STK39: variants seen among roughly 807,000 people sequenced by gnomAD.
STK39 encodes the protein STE20/SPS1-related proline-alanine-rich protein kinase.
STK39 carries 20 observed loss-of-function variants against 77.8 expected under a neutral mutation model. The ratio of observed to expected loss-of-function variants is 0.26; its 90% CI spans 0.18 to 0.37. STK39 has a LOEUF of 0.37. STK39 is among the 10% of genes least tolerant of loss of function. STK39 has a pLI of 1.00. For synonymous variants in STK39, 246 were observed against 234.1 expected (o/e 1.05, Z -0.47); for missense variants, 479 against 656.5 (o/e 0.73, Z 2.95).
At chr2:168,240,657 G>A (rs1215676767) in intron 1 of STK39, among the ~76,000 whole-genome samples, 4 of 152,238 alleles carry the variant, frequency 2.6e-5, no homozygotes, top group African/African-American at 9.6e-5. Context: ...TAGGACTGAG[G>A]CCAGGGTGGA....
intron 1 of STK39, among the ~76,000 whole-genome samples, chr2:168,244,411 C>G (rs910572003): frequency 2.6e-5 from 4 of 152,202 alleles, no homozygotes; most frequent in African/African-American, 4.8e-5. Flanking sequence ...AACACGGTGC[C>G]TCCTTTGGTT....
At chr2:168,071,940 A>G (rs1371202358) in intron 12 of STK39, among the ~76,000 whole-genome samples, 2 of 152,082 alleles carry the variant, frequency 1.3e-5, no homozygotes, top group Admixed American at 6.6e-5. Context: ...CCTATAATTT[A>G]CTTATCTATG....
chr2:168,111,715 GA>G (rs1687125426), intron 10 of STK39, among the ~76,000 whole-genome samples: 1 of 152,148 alleles, frequency 6.6e-6, no homozygotes, highest in Non-Finnish European at 1.5e-5. Context: ...TAAATTCAAA[GA>G]AAAGTTTGCA....
At chr2:168,205,996 T>C (rs959855387) in intron 1 of STK39, among the ~76,000 whole-genome samples, 1 of 152,214 alleles carries the variant, frequency 6.6e-6, no homozygotes, top group African/African-American at 2.4e-5. Flanking sequence ...AAATGTGTTT[T>C]AGCAATCAGT....
intron 10 of STK39, among the ~76,000 whole-genome samples, chr2:168,105,784 G>A (rs564776436): frequency 6.6e-6 from 1 of 152,138 alleles, no homozygotes; most frequent in Non-Finnish European, 1.5e-5. Flanking sequence ...CTCCAATTCT[G>A]GGAGAAATGA....
intron 1 of STK39, among the ~76,000 whole-genome samples, chr2:168,183,895 T>C (rs1574535728): frequency 6.6e-6 from 1 of 152,112 alleles, no homozygotes; most frequent in African/African-American, 2.4e-5. Context: ...TTTTCCAGTC[T>C]CCGGAACAAG....
chr2:168,227,131 A>G (rs1408475506), intron 1 of STK39, among the ~76,000 whole-genome samples: 4 of 152,250 alleles, frequency 2.6e-5, no homozygotes, highest in Non-Finnish European at 4.4e-5. Context: ...AGATTGCAGA[A>G]CAATACGTAT....
intron 10 of STK39, among the ~76,000 whole-genome samples, chr2:168,091,039 A>G (rs1322624610): frequency 6.6e-6 from 1 of 151,982 alleles, no homozygotes; most frequent in African/African-American, 2.4e-5. Context: ...AAGCAAACAG[A>G]CCCATGTTGG....
chr2:168,119,556 T>A (rs1345827187), intron 10 of STK39, among the ~76,000 whole-genome samples: 1 of 152,196 alleles, frequency 6.6e-6, no homozygotes, highest in African/African-American at 2.4e-5. Context: ...AGTAGCACCC[T>A]AATTGACTAA....
chr2:167,998,228 C>A (rs577684661), intron 16 of STK39, among the ~76,000 whole-genome samples: 70 of 152,340 alleles, frequency 4.6e-4, no homozygotes, highest in African/African-American at 1.5e-3. Context: ...CCGGTTCACC[C>A]GGACAAAGGT....
At chr2:168,015,024 C>G (rs1684370137) in intron 15 of STK39, among the ~76,000 whole-genome samples, 1 of 152,278 alleles carries the variant, frequency 6.6e-6, no homozygotes, top group African/African-American at 2.4e-5. Context: ...GGAAATATTC[C>G]ATATCTGCGT....
chr2:168,085,855 G>A (rs1275827309), intron 10 of STK39, among the ~76,000 whole-genome samples: 2 of 152,174 alleles, frequency 1.3e-5, no homozygotes, highest in African/African-American at 4.8e-5. Context: ...GTGAGGGAAG[G>A]TCAGAAAAGG....
At chr2:168,177,068 A>C (rs1427585965) in intron 2 of STK39, among the ~76,000 whole-genome samples, 1 of 152,184 alleles carries the variant, frequency 6.6e-6, no homozygotes, top group Non-Finnish European at 1.5e-5. Context: ...TCAAGCAAAG[A>C]AAGCAAGTCC....
At chr2:168,182,219 CAT>C in intron 1 of STK39, 129 bp from the exon 2 acceptor site, 1 of 625,540 alleles carries the variant, frequency 1.6e-6, no homozygotes, top group East Asian at 2.9e-5. Flanking sequence ...TACCATTTGA[CAT>C]CTTTTTTTTA....
chr2:167,977,525 A>G (rs1289319027), intron 16 of STK39, among the ~76,000 whole-genome samples: 1 of 151,706 alleles, frequency 6.6e-6, no homozygotes, highest in Non-Finnish European at 1.5e-5. Context: ...TACCAGGAAT[A>G]CCCAGAATTC....
intron 10 of STK39, among the ~76,000 whole-genome samples, chr2:168,103,803 T>A (rs1686900261): frequency 6.6e-6 from 1 of 152,262 alleles, no homozygotes; most frequent in African/African-American, 2.4e-5. Flanking sequence ...TTCTCTTTCA[T>A]AATTACTTAT....
intron 5 of STK39, 100 bp from the exon 6 acceptor site, chr2:168,140,858 G>A (rs1050292762): frequency 2.1e-6 from 2 of 947,180 alleles, no homozygotes; most frequent in Non-Finnish European, 3.1e-6. Context: ...CTTTACAGTG[G>A]TGATGAACTA....
At chr2:168,179,728 G>A (rs961128168) in intron 2 of STK39, among the ~76,000 whole-genome samples, 2 of 152,130 alleles carry the variant, frequency 1.3e-5, no homozygotes, top group Admixed American at 1.3e-4. Context: ...TAAGTTACAA[G>A]TAGCTCCAAA....
chr2:168,195,045 T>G (rs1229687251), intron 1 of STK39, among the ~76,000 whole-genome samples: 1 of 152,228 alleles, frequency 6.6e-6, no homozygotes, highest in Non-Finnish European at 1.5e-5. Context: ...CTGATTAGAT[T>G]GATAAGTACT....
Sources: allele counts gnomAD v4.1 joint callset (sites outside exome capture counted in the v4.1 genomes callset), GRCh38; gene constraint gnomAD v4.1.1; transcripts MANE v1.5; gene names NCBI Gene and HGNC (gene_info 2026-07-23, HGNC 2026-07-21).